IYD: variants seen among roughly 807,000 people sequenced by gnomAD.
IYD encodes iodotyrosine deiodinase.
In IYD, 25 loss-of-function variants were observed where a neutral mutation model predicts 28.4. The ratio of observed to expected loss-of-function variants is 0.88; its 90% CI spans 0.64 to 1.23. The LOEUF is 1.23. Among genes scored for constraint, IYD ranks in the 50% most tolerant of loss-of-function variants. The probability of loss-of-function intolerance (pLI) is 0.00; values close to 1 mark genes in which losing one functional copy is unlikely to be tolerated. For missense variants in IYD, 352 were observed against 357.9 expected (o/e 0.98, Z 0.13); for synonymous variants, 140 against 130.8 (o/e 1.07, Z -0.48).
rs543072775 is a variant in IYD at position 150,396,002 on chromosome 6, G to A, written c.687+1747G>A. On this transcript the variant is annotated intron_variant, in intron 4 of 4. Coordinates refer to ENST00000344419, the MANE Select transcript of IYD (RefSeq NM_203395.3). ...GTAGTCATAGGAACTTGCCGTGGTG[G>A]TTGTTGTTTAGAATATAATATACAA... 8 of 321,450 alleles carry A rather than the reference G, an allele frequency of 2.5e-5. No individual in the cohort carries two copies. In the Admixed American group the frequency reaches 3.6e-4, roughly 14 times the overall value. 19.9% of individuals were successfully genotyped at this position (321,450 alleles called of 1,614,324 possible). A position where few individuals can be genotyped will look rare whatever the true frequency, so the allele number is the denominator to read the frequency against.
At position 150,394,283 on chromosome 6, in the gene IYD, G is replaced by A. The variant is rs749416095; in HGVS notation, c.687+28G>A. On this transcript the variant is annotated intron_variant, in intron 4 of 4. Coordinates refer to ENST00000344419, the MANE Select transcript of IYD (RefSeq NM_203395.3). ...ATGTTGAGACATCAAGGGTTACAGG[G>A]TGGCCTTATTAGAACATTTCAGCTG... The A allele has an allele frequency of 3.1e-6, 5 of 1,613,502 alleles. No homozygotes were observed. In the South Asian group the frequency reaches 3.3e-5, roughly 11 times the overall value.
rs1168402010 is a variant in IYD, at chr6:150,392,439, G to A, written c.465G>A (p.Glu155=). The change falls in exon 3 of 5, where the codon GAG becomes GAA. Residue 155 remains glutamate (E), a synonymous_variant. Coordinates refer to ENST00000344419, the MANE Select transcript of IYD (RefSeq NM_203395.3). ...VKHKIRKIIE[E]EEEINYMKRM... is the part of the protein sequence containing the mutation. The stretch of plus-strand genomic sequence containing the variant: ...ACAAGATTCGAAAGATCATTGAGGA[G>A]GAAGAGGAGATCAACTACATGAAAA... 6.2e-7 allele frequency: 1 copy of A among 1,613,870 alleles called. No individual in the cohort carries two copies. Among genetic ancestry groups the A allele is most frequent in the African/African-American group, 1.3e-5 (1 of 74,936 alleles).
Position 150,392,404 on chromosome 6 carries a change from G to C in IYD, c.430G>C (p.Asp144His). Residue 144 changes from aspartate (D) to histidine (H), a missense_variant, in exon 3 of 5, where the codon GAC becomes CAC. Coordinates refer to ENST00000344419, the MANE Select transcript of IYD (RefSeq NM_203395.3). ...GACCTTCGTGGTTGTGAAGGACCCA[G>C]ACGTGAAGCACAAGATTCGAAAGAT... Reference protein sequence around the residue: ...PWTFVVVKDPDVKHKIRKIIE... With the variant: ...PWTFVVVKDPHVKHKIRKIIE... 6.2e-7 allele frequency: 1 copy of C among 1,613,918 alleles called. No homozygotes were observed. Among genetic ancestry groups the C allele is most frequent in the Non-Finnish European group, 8.5e-7 (1 of 1,179,860 alleles).
intron 1 of IYD, among the ~76,000 whole-genome samples, chr6:150,385,804 T>C (rs1777841216): frequency 6.6e-6 from 1 of 152,132 alleles, no homozygotes. Flanking sequence ...TAATTCAGCT[T>C]ATTTAATAGT....
intron 1 of IYD, chr6:150,370,154 C>G (rs1777168451): frequency 7.5e-6 from 5 of 664,178 alleles, no homozygotes; most frequent in Non-Finnish European, 8.2e-6. Context: ...GCCACCTGGA[C>G]ATGTGAGTGT....
At position 150,404,829 on chromosome 6, in the gene IYD, G is replaced by T. The variant is rs1185880163; in HGVS notation, c.*6592G>T. 1.3e-5 allele frequency: 2 copies of T among 152,170 alleles called. No homozygotes were observed. The highest frequency in any genetic ancestry group is 4.8e-5 in the African/African-American group (2 of 41,432). 9.4% of individuals were successfully genotyped at this position (152,170 alleles called of 1,614,324 possible). A position where few individuals can be genotyped will look rare whatever the true frequency, so the allele number is the denominator to read the frequency against. On this transcript the variant is annotated 3_prime_UTR_variant, in exon 5 of 5. Coordinates refer to ENST00000344419, the MANE Select transcript of IYD (RefSeq NM_203395.3). ...ACCTCACTATAACCCAAACAAATAA[G>T]GGATTATTTTTCCCTCCTAGTGAGA...
In IYD at chr6:150,398,142, C is replaced by T. The variant is rs1778394491; in HGVS notation, c.775C>T (p.Leu259=). The T allele has an allele frequency of 2.5e-6, 4 of 1,614,086 alleles. No homozygotes were observed. Among genetic ancestry groups the T allele is most frequent in the Non-Finnish European group, 3.4e-6 (4 of 1,180,042 alleles). ...CCTGGGCCGCCCCGCACATGAAAAG[C>T]TGCTGATGCTGCTCCCCGTGGGGTA... ...VLLGRPAHEK[L]LMLLPVGYPS... is the part of the protein sequence containing the mutation. The change falls in exon 5 of 5, where the codon CTG becomes TTG. Residue 259 remains leucine (L), a synonymous_variant. Transcript: ENST00000344419.
At chr6:150,372,395 A>G (rs1170740643) in intron 1 of IYD, among the ~76,000 whole-genome samples, 35 of 15,142 alleles carry the variant, frequency 2.3e-3, no homozygotes, top group Admixed American at 3.9e-3. Context: ...TGGGGTGGGG[A>G]GTGCTGAGGG....
rs1408078520 is a variant in IYD, at chr6:150,389,397, C to G, written c.224C>G (p.Pro75Arg). 1 of 1,613,778 alleles carries G rather than the reference C, an allele frequency of 6.2e-7. No homozygotes were observed. Among genetic ancestry groups the G allele is most frequent in the Non-Finnish European group, 8.5e-7 (1 of 1,179,748 alleles). ...QESEENVEHI[P>R]FSHNHYPEKE... ...TCAGAAGAAAATGTTGAACACATCC[C>G]CTTCTCTCATAACCACTATCCTGAG... The change falls in exon 2 of 5, where the codon CCC (proline) becomes CGC (arginine). Residue 75 changes from proline to arginine, a missense_variant. Physicochemically the swap from Pro to Arg is moderately radical, Grantham distance 103. Transcript: ENST00000344419.
At chr6:150,389,752 G>A in intron 2 of IYD, 1 of 552,352 alleles carries the variant, frequency 1.8e-6, no homozygotes, top group South Asian at 2.0e-5. Context: ...CTTGGAAGAA[G>A]ATGTGACAAT....
Position 150,394,236 on chromosome 6 carries a change from T to G in IYD, c.668T>G (p.Ile223Ser). 1 of 1,614,220 alleles carries G rather than the reference T, an allele frequency of 6.2e-7. No homozygotes were observed. The highest frequency in any genetic ancestry group is 8.5e-7 in the Non-Finnish European group (1 of 1,180,046). Residue 223 changes from isoleucine to serine, a missense_variant, in exon 4 of 5, where the codon ATC (isoleucine) becomes AGC (serine). By Grantham distance (142) the Ile-to-Ser change is moderately radical. Coordinates refer to ENST00000344419, the MANE Select transcript of IYD (RefSeq NM_203395.3). The part of the protein sequence containing the change: ...NEISVSIACG[I>S]LLAALQNAGL... ...ATCAGTGTTTCCATCGCTTGTGGCA[T>G]CCTGCTAGCTGCCCTGCAGGTATGT...
intron 1 of IYD, among the ~76,000 whole-genome samples, chr6:150,388,660 T>TTTCTTTC (rs1454680785): frequency 8.0e-6 from 1 of 124,806 alleles, no homozygotes; most frequent in Non-Finnish European, 1.8e-5. Context: ...TCTTTCTTTC[T>TTTCTTTC]TTCTTTCTTT....
intron 4 of IYD, 35 bp from the exon 5 acceptor site, chr6:150,398,020 T>G: frequency 6.2e-7 from 1 of 1,606,028 alleles, no homozygotes. Context: ...TTCTGCCTGC[T>G]GACTTTAAAA....
chr6:150,393,383 A>G (rs930067109), intron 3 of IYD, among the ~76,000 whole-genome samples: 2 of 152,236 alleles, frequency 1.3e-5, no homozygotes, highest in Non-Finnish European at 2.9e-5. Flanking sequence ...AGTAGCTTTG[A>G]AAGTGTAACA....
At chr6:150,370,136 A>G (rs992142114) in intron 1 of IYD, 7 of 675,746 alleles carry the variant, frequency 1.0e-5, no homozygotes, top group Non-Finnish European at 1.9e-5. Flanking sequence ...CCCCATCCCC[A>G]AACAGAGGCC....
rs368539877 is a variant in IYD, at chr6:150,376,293, G to A, written c.178+7084G>A. On this transcript the variant is annotated intron_variant, in intron 1 of 4. Coordinates refer to ENST00000344419, the MANE Select transcript of IYD (RefSeq NM_203395.3). ...ACTGACAAGAGACAGATTAATAGAA[G>A]GAAAGGCATACAGATTTATTTAACA... Among the ~76,000 whole-genome samples the A allele has an allele frequency of 2.1e-3, 318 of 152,226 alleles. 2 individuals are homozygous for A. Among genetic ancestry groups the A allele is most frequent in the Middle Eastern group, 6.8e-3 (2 of 294 alleles).
rs370872496 is a variant in IYD at position 150,369,153 on chromosome 6, G to A, written c.122G>A (p.Arg41His). The stretch of plus-strand genomic sequence containing the variant: ...GAGCCTAGAACCAGGGCCGAAGCTC[G>A]CCCCTGGGTGGATGAAGACTTAAAA... Reference protein sequence around the residue: ...KGEPRTRAEARPWVDEDLKDS... With the variant: ...KGEPRTRAEAHPWVDEDLKDS... The change falls in exon 1 of 5, where the codon CGC becomes CAC. Residue 41 changes from arginine (R) to histidine (H), a missense_variant. Physicochemically the swap from Arg to His is conservative, Grantham distance 29. Coordinates refer to ENST00000344419, the MANE Select transcript of IYD (RefSeq NM_203395.3). The A allele has an allele frequency of 4.6e-5, 75 of 1,613,840 alleles. No homozygotes were observed. The highest frequency in any genetic ancestry group is 5.6e-5 in the Non-Finnish European group (66 of 1,179,966).
chr6:150,390,124 A>AGC (rs1195197102), intron 2 of IYD, among the ~76,000 whole-genome samples: 1 of 152,206 alleles, frequency 6.6e-6, no homozygotes, highest in Non-Finnish European at 1.5e-5. Flanking sequence ...AATAAGAGAA[A>AGC]GCTCCCTACT....
At chr6:150,389,052 T>C (rs1778011459) in intron 1 of IYD, among the ~76,000 whole-genome samples, 1 of 152,162 alleles carries the variant, frequency 6.6e-6, no homozygotes, top group African/African-American at 2.4e-5. Context: ...TTGCCCAGGC[T>C]AGAGTGCAGT....
Sources: gnomAD v4.1 joint callset for allele counts (sites outside exome capture counted in the v4.1 genomes callset) on GRCh38, gnomAD v4.1.1 for gene constraint, MANE v1.5 for transcripts, NCBI Gene and HGNC (gene_info 2026-07-23, HGNC 2026-07-21) for gene names.